Variants in NBAS observed in about 807,000 individuals in gnomAD.
NBAS encodes the protein NBAS subunit of NRZ tethering complex.
A neutral mutation model predicts 302.5 loss-of-function variants in NBAS; 219 were observed. That is an observed-to-expected ratio of 0.72 (90% CI 0.65 to 0.81). The LOEUF (loss-of-function observed/expected upper bound fraction) is 0.81. NBAS is among the 30% of genes least tolerant of loss of function. NBAS has a pLI of 0.00. For missense variants in NBAS, 2,932 were observed against 2,841.6 expected, an observed-to-expected ratio of 1.03 and a Z score of -0.72; for synonymous variants, 1,118 against 1,021.6, an observed-to-expected ratio of 1.09 and a Z score of -1.80.
the NBAS span, among the ~76,000 whole-genome samples, chr2:15,076,386 C>T: frequency 8.5e-5 from 13 of 152,276 alleles, no homozygotes; most frequent in African/African-American, 2.6e-4. Context: ...CTGCTGATAA[C>T]GTGCCGTTTT....
chr2:15,504,030 G>A (rs555300721), intron 11 of NBAS, 115 bp downstream of exon 11: 2 of 793,630 alleles, frequency 2.5e-6, no homozygotes, highest in Admixed American at 3.7e-5. Flanking sequence ...TAGTGTATAT[G>A]AATACACTCA....
chr2:15,324,420 T>G (rs540388307), intron 38 of NBAS, among the ~76,000 whole-genome samples: 4 of 152,338 alleles, frequency 2.6e-5, no homozygotes, highest in African/African-American at 9.6e-5. Context: ...TTTGCCTCTA[T>G]GAATTTTATT....
intron 21 of NBAS, among the ~76,000 whole-genome samples, chr2:15,446,656 TA>T (rs1383985383): frequency 6.6e-6 from 1 of 152,120 alleles, no homozygotes; most frequent in African/African-American, 2.4e-5. Flanking sequence ...TTTTCAATTT[TA>T]AAAAATTACT....
At chr2:14,942,854 T>C in the NBAS span, among the ~76,000 whole-genome samples, 1 of 152,224 alleles carries the variant, frequency 6.6e-6, no homozygotes, top group Non-Finnish European at 1.5e-5. Context: ...GCTTAAAGTA[T>C]TGTTAGAAGT....
chr2:15,186,149 T>G (rs13430510), intron 50 of NBAS, among the ~76,000 whole-genome samples: 1 of 150,516 alleles, frequency 6.6e-6, no homozygotes, highest in Non-Finnish European at 1.5e-5. Context: ...TATACACTTA[T>G]GTATGTGTGT....
At chr2:15,403,882 T>G (rs1676275201) in intron 25 of NBAS, among the ~76,000 whole-genome samples, 1 of 148,388 alleles carries the variant, frequency 6.7e-6, no homozygotes, top group South Asian at 2.2e-4. Context: ...TGTGTGTGTG[T>G]GTGTGTGTGT....
At chr2:14,900,595 A>G in the NBAS span, among the ~76,000 whole-genome samples, 1 of 152,168 alleles carries the variant, frequency 6.6e-6, no homozygotes. Context: ...TCACCCAATA[A>G]GTTCATTACT....
chr2:15,362,920 CAGAA>C (rs921686678), intron 32 of NBAS, among the ~76,000 whole-genome samples: 2 of 151,850 alleles, frequency 1.3e-5, no homozygotes, highest in African/African-American at 4.8e-5. Flanking sequence ...TGAGGTTTTC[CAGAA>C]AGAAAGAAAG....
At chr2:15,169,252 T>G (rs1318247578) in intron 51 of NBAS, among the ~76,000 whole-genome samples, 1 of 152,120 alleles carries the variant, frequency 6.6e-6, no homozygotes, top group Non-Finnish European at 1.5e-5. Flanking sequence ...CCAAAACACT[T>G]AGGTTGAACT....
intron 25 of NBAS, among the ~76,000 whole-genome samples, chr2:15,407,098 T>C (rs1676450827): frequency 6.6e-6 from 1 of 152,192 alleles, no homozygotes; most frequent in African/African-American, 2.4e-5. Context: ...AAGCACTGCT[T>C]GTAATTGCAA....
chr2:15,128,293 C>T, the NBAS span, among the ~76,000 whole-genome samples: 3 of 152,246 alleles, frequency 2.0e-5, no homozygotes, highest in South Asian at 2.1e-4. Context: ...TGATTGACAG[C>T]GGGGGACTAC....
chr2:14,802,416 G>C, the NBAS span, among the ~76,000 whole-genome samples: 1,649 of 151,284 alleles, frequency 0.011, 26 homozygotes, highest in African/African-American at 0.036. Flanking sequence ...TGCTGTTTTG[G>C]TTACTGTAGC....
chr2:14,822,023 ACT>A, the NBAS span, among the ~76,000 whole-genome samples: 1 of 151,744 alleles, frequency 6.6e-6, no homozygotes, highest in Non-Finnish European at 1.5e-5. Context: ...ACAGAGTGAG[ACT>A]CTGTCTCAAC....
At chr2:15,444,027 T>C (rs1428233972) in intron 21 of NBAS, among the ~76,000 whole-genome samples, 6 of 151,536 alleles carry the variant, frequency 4.0e-5, no homozygotes, top group African/African-American at 1.2e-4. Flanking sequence ...TGGAAGAACA[T>C]TCCATGCTCA....
At chr2:14,795,861 C>A in the NBAS span, among the ~76,000 whole-genome samples, 3 of 152,120 alleles carry the variant, frequency 2.0e-5, no homozygotes, top group South Asian at 2.1e-4. Context: ...CATCTCCTGG[C>A]GTGGAGGACA....
chr2:15,338,353 A>G (rs1159487133), intron 35 of NBAS, among the ~76,000 whole-genome samples: 2 of 152,178 alleles, frequency 1.3e-5, no homozygotes, highest in East Asian at 1.9e-4. Flanking sequence ...AAATAACCCA[A>G]AGTACTTCCC....
At chr2:14,943,374 C>A in the NBAS span, among the ~76,000 whole-genome samples, 1 of 152,336 alleles carries the variant, frequency 6.6e-6, no homozygotes, top group Admixed American at 6.5e-5. Context: ...AACTTTAACC[C>A]AGAGGCTGGA....
At chr2:15,320,910 G>C (rs1418312260) in intron 38 of NBAS, among the ~76,000 whole-genome samples, 1 of 152,016 alleles carries the variant, frequency 6.6e-6, no homozygotes, top group Non-Finnish European at 1.5e-5. Flanking sequence ...AGTTCATATG[G>C]AACCAAAAAA....
chr2:15,353,414 T>C (rs1337660675), intron 34 of NBAS, 139 bp downstream of exon 34: 4 of 1,070,006 alleles, frequency 3.7e-6, no homozygotes, highest in Admixed American at 3.6e-5. Flanking sequence ...CATGTCCCTT[T>C]TCCATAAGTG....
Sources: allele counts gnomAD v4.1 joint callset (sites outside exome capture counted in the v4.1 genomes callset), GRCh38; gene constraint gnomAD v4.1.1; transcripts MANE v1.5; gene names NCBI Gene and HGNC (gene_info 2026-07-23, HGNC 2026-07-21).